Variants in RUVBL1 observed in about 807,000 individuals in gnomAD.
RUVBL1 encodes RuvB like AAA ATPase 1, also known as ruvB-like 1.
A neutral mutation model predicts 52.4 loss-of-function variants in RUVBL1; 4 were observed. The observed-to-expected ratio is 0.08, with a 90% CI of 0.04 to 0.17. The LOEUF is 0.17. Ranked by LOEUF, RUVBL1 falls within the 10% of genes least tolerant of loss-of-function variation. The pLI, the probability that RUVBL1 is intolerant of heterozygous loss-of-function variation, is 1.00. For missense variants in RUVBL1, 298 were observed against 572.8 expected, an observed-to-expected ratio of 0.52 and a Z score of 4.90; for synonymous variants, 217 against 214.4, an observed-to-expected ratio of 1.01 and a Z score of -0.10.
At chr3:128,144,516 GTAGGGGGC>G (rs1944074957) in intron 1 of RUVBL1, among the ~76,000 whole-genome samples, 1 of 152,200 alleles carries the variant, frequency 6.6e-6, no homozygotes, top group Non-Finnish European at 1.5e-5. Flanking sequence ...CTGTGGAACT[GTAGGGGGC>G]CCACGGAGTC....
At position 128,081,725 on chromosome 3, in the gene RUVBL1, C is replaced by A. The variant is rs889313490; in HGVS notation, c.1212-316G>T. 6 of 281,146 alleles carry A rather than the reference C, an allele frequency of 2.1e-5. No individual in the cohort carries two copies. Among genetic ancestry groups the A allele is most frequent in the African/African-American group, 1.3e-4 (6 of 46,452 alleles). 17.4% of individuals were successfully genotyped at this position (281,146 alleles called of 1,614,324 possible). ...AAAGGACTGCAAACTTATATGTATA[C>A]AGGTGTCCGACAGATAGGGATATTT... On this transcript the variant is annotated intron_variant, in intron 10 of 10. Coordinates refer to ENST00000322623, the MANE Select transcript of RUVBL1 (RefSeq NM_003707.3). This position sits in a 1 kb window ranked among gnomAD's most constrained non-coding sequence, Gnocchi z 4.8.
At chr3:128,106,227 C>G (rs562625246) in intron 3 of RUVBL1, among the ~76,000 whole-genome samples, 1 of 152,182 alleles carries the variant, frequency 6.6e-6, no homozygotes, top group Non-Finnish European at 1.5e-5. Context: ...ATTTCCAAAG[C>G]ACCTTACATT....
intron 8 of RUVBL1, among the ~76,000 whole-genome samples, chr3:128,089,964 C>G (rs1408781514): frequency 7.0e-6 from 1 of 143,818 alleles, no homozygotes; most frequent in East Asian, 2.0e-4. Context: ...GAGACGTTAC[C>G]AGGATCTAAG....
At chr3:128,096,152 C>A (rs1027966681) in intron 8 of RUVBL1, among the ~76,000 whole-genome samples, 1 of 152,182 alleles carries the variant, frequency 6.6e-6, no homozygotes, top group African/African-American at 2.4e-5. Flanking sequence ...TACTCTATTG[C>A]AGGCTTGAAA....
chr3:128,088,096 T>G (rs796283977), intron 8 of RUVBL1, among the ~76,000 whole-genome samples: 8 of 152,098 alleles, frequency 5.3e-5, no homozygotes, highest in African/African-American at 1.7e-4. Context: ...ACCCCGTCTC[T>G]ACTAAAAATA....
At chr3:128,115,668 T>C (rs959785739) in intron 2 of RUVBL1, among the ~76,000 whole-genome samples, 2 of 152,236 alleles carry the variant, frequency 1.3e-5, no homozygotes, top group African/African-American at 4.8e-5. Context: ...CATATGCTTC[T>C]AGCAATATGG....
chr3:128,118,907 C>CT (rs1229076027), intron 2 of RUVBL1, among the ~76,000 whole-genome samples: 1 of 152,122 alleles, frequency 6.6e-6, no homozygotes, highest in African/African-American at 2.4e-5. Context: ...TCTTGTTTTC[C>CT]TTTTTTTCAT....
intron 8 of RUVBL1, among the ~76,000 whole-genome samples, chr3:128,092,986 C>G (rs1398896264): frequency 6.6e-6 from 1 of 151,226 alleles, no homozygotes; most frequent in East Asian, 1.9e-4. Flanking sequence ...CCAGCCTGGT[C>G]AACAAAGTGA....
At chr3:128,120,179 T>C (rs1000645102) in intron 1 of RUVBL1, among the ~76,000 whole-genome samples, 2 of 152,186 alleles carry the variant, frequency 1.3e-5, no homozygotes, top group African/African-American at 4.8e-5. Flanking sequence ...TGTTCATATA[T>C]ACATTTTTTC....
intron 8 of RUVBL1, among the ~76,000 whole-genome samples, chr3:128,094,795 G>A (rs1576451945): frequency 6.6e-6 from 1 of 152,198 alleles, no homozygotes; most frequent in Admixed American, 6.5e-5. Flanking sequence ...GTGGTTCTGG[G>A]GGGTAAGGAA....
chr3:128,073,063 T>TA (rs1163349348), intron 9 of RUVBL1, among the ~76,000 whole-genome samples: 5 of 152,160 alleles, frequency 3.3e-5, no homozygotes, highest in South Asian at 4.2e-4. Flanking sequence ...CCCAGGGAAA[T>TA]AGAGTGTGGC....
At chr3:128,116,769 T>C (rs1200574545) in intron 2 of RUVBL1, among the ~76,000 whole-genome samples, 1 of 152,252 alleles carries the variant, frequency 6.6e-6, no homozygotes, top group East Asian at 1.9e-4. Flanking sequence ...CTCCCTCATC[T>C]TTGTGATTTC....
At chr3:128,139,370 A>C (rs1943988072) in intron 1 of RUVBL1, among the ~76,000 whole-genome samples, 1 of 152,204 alleles carries the variant, frequency 6.6e-6, no homozygotes, top group African/African-American at 2.4e-5. Flanking sequence ...AATCCAATTT[A>C]GAAAAAACAG....
chr3:128,092,805 TA>T (rs1439404093), intron 8 of RUVBL1, among the ~76,000 whole-genome samples: 3 of 152,214 alleles, frequency 2.0e-5, no homozygotes, highest in Admixed American at 6.5e-5. Flanking sequence ...CTTGAAAGGT[TA>T]AACAGTTACC....
chr3:128,094,464 C>A (rs1175200346), intron 8 of RUVBL1, among the ~76,000 whole-genome samples: 1 of 152,220 alleles, frequency 6.6e-6, no homozygotes, highest in Non-Finnish European at 1.5e-5. Flanking sequence ...CAGGCAGCAC[C>A]CCGTCAAAGC....
Position 128,067,661 on chromosome 3 carries a change from A to T in RUVBL1, c.940-2441T>A. The stretch of plus-strand genomic sequence containing the variant: ...GAAGGGTGATGAAAGTGTGACTGGT[A>T]TAAGGGGTGTGGACTTGTCACCTCA... On this transcript the variant is annotated intron_variant, in intron 9 of 9. Transcript: ENST00000464873. The surrounding 1 kb of genome is among the most constrained non-coding windows in gnomAD (Gnocchi z 4.1). 1 of 1,439,400 alleles carries T rather than the reference A, an allele frequency of 6.9e-7. No homozygotes were observed. Among genetic ancestry groups the T allele is most frequent in the Non-Finnish European group, 9.6e-7 (1 of 1,038,056 alleles). The allele number at this position is 1,439,400 out of a possible 1,614,324, so 89.2% of individuals were successfully genotyped here.
Position 128,067,303 on chromosome 3 carries a change from A to T in RUVBL1, c.940-2083T>A. 2 of 1,315,412 alleles carry T rather than the reference A, an allele frequency of 1.5e-6. No individual in the cohort carries two copies. Among genetic ancestry groups the T allele is most frequent in the Non-Finnish European group, 2.1e-6 (2 of 945,988 alleles). The allele number at this position is 1,315,412 out of a possible 1,614,324, so 81.5% of individuals were successfully genotyped here. A position where few individuals can be genotyped will look rare whatever the true frequency, so the allele number is the denominator to read the frequency against. ...CATTAAATTATCTTTTCAGTAAAAA[A>T]ATTGTACTGTGGGCACCGAGTAAAA... On this transcript the variant is annotated intron_variant, in intron 9 of 9. Coordinates refer to the RUVBL1 transcript ENST00000464873. The surrounding 1 kb of genome is among the most constrained non-coding windows in gnomAD (Gnocchi z 4.1).
At chr3:128,072,294 G>A (rs1330889811) in intron 9 of RUVBL1, among the ~76,000 whole-genome samples, 2 of 152,222 alleles carry the variant, frequency 1.3e-5, no homozygotes, top group African/African-American at 4.8e-5. Context: ...CCCACCACCT[G>A]GGCCTGGTGC....
intron 1 of RUVBL1, among the ~76,000 whole-genome samples, chr3:128,144,436 AC>A (rs1944073955): frequency 6.6e-6 from 1 of 152,250 alleles, no homozygotes; most frequent in African/African-American, 2.4e-5. Context: ...AACATGAAGA[AC>A]AAATCCCAAA....
Sources: gnomAD v4.1 joint callset for allele counts (sites outside exome capture counted in the v4.1 genomes callset) on GRCh38, gnomAD v4.1.1 for gene constraint, Gnocchi (gnomAD v3.1) non-coding constraint, MANE v1.5 for transcripts, NCBI Gene and HGNC (gene_info 2026-07-23, HGNC 2026-07-21) for gene names.